The following SUCLG2 variants were observed in gnomAD, a reference collection of about 807,000 sequenced individuals.
SUCLG2 encodes the protein succinate-CoA ligase GDP-forming subunit beta.
Under a neutral mutation model 47.9 loss-of-function variants are expected in SUCLG2, and 42 were observed. The observed-to-expected ratio is 0.88, with a 90% CI of 0.69 to 1.14. The LOEUF (loss-of-function observed/expected upper bound fraction) is 1.14. Among genes scored for constraint, SUCLG2 ranks in the 50% most tolerant of loss-of-function variants. SUCLG2 has a pLI of 0.00. For synonymous variants in SUCLG2, 195 were observed against 197.3 expected (o/e 0.99, Z 0.10); for missense variants, 571 against 525.9 (o/e 1.09, Z -0.84).
At chr3:67,404,335 G>GGAGAGA (rs138202963) in intron 9 of SUCLG2, among the ~76,000 whole-genome samples, 1 of 149,344 alleles carries the variant, frequency 6.7e-6, no homozygotes, top group Non-Finnish European at 1.5e-5. Flanking sequence ...AGAGAGCATG[G>GGAGAGA]GAGAGAGAGA....
intron 9 of SUCLG2, among the ~76,000 whole-genome samples, chr3:67,444,178 C>T (rs1387171978): frequency 3.8e-5 from 2 of 53,292 alleles, no homozygotes; most frequent in Non-Finnish European, 8.1e-5. Context: ...GCCCCCCGCC[C>T]GGCCAGCCGC....
intron 6 of SUCLG2, among the ~76,000 whole-genome samples, chr3:67,512,245 T>C (rs1434420366): frequency 6.6e-6 from 1 of 151,362 alleles, no homozygotes; most frequent in Non-Finnish European, 1.5e-5. Flanking sequence ...AGAGTATTTT[T>C]AAAAATTCTC....
intron 2 of SUCLG2, among the ~76,000 whole-genome samples, chr3:67,576,517 T>C (rs1012085494): frequency 3.3e-5 from 5 of 152,092 alleles, no homozygotes; most frequent in Non-Finnish European, 4.4e-5. Flanking sequence ...AAATAGAAAA[T>C]AGATGAATTG....
intron 2 of SUCLG2, among the ~76,000 whole-genome samples, chr3:67,532,156 G>C (rs1706421829): frequency 6.6e-6 from 1 of 152,108 alleles, no homozygotes; most frequent in African/African-American, 2.4e-5. Flanking sequence ...TTTTGTTTTA[G>C]ACAGAGTCTC....
At chr3:67,478,750 C>T (rs1019418899) in intron 9 of SUCLG2, among the ~76,000 whole-genome samples, 5 of 152,196 alleles carry the variant, frequency 3.3e-5, no homozygotes, top group African/African-American at 1.2e-4. Context: ...ACTGCTATTC[C>T]ATTCAAAGTA....
At chr3:67,471,426 C>T (rs1364832307) in intron 9 of SUCLG2, among the ~76,000 whole-genome samples, 2 of 152,210 alleles carry the variant, frequency 1.3e-5, no homozygotes, top group Non-Finnish European at 2.9e-5. Context: ...GGACATCACA[C>T]TTGCCTTTTC....
intron 9 of SUCLG2, among the ~76,000 whole-genome samples, chr3:67,401,619 C>A (rs1490265): frequency 0.74 from 110,274 of 149,262 alleles, 41,064 homozygotes; most frequent in Admixed American, 0.82. Flanking sequence ...GACTTGATAA[C>A]TAGGCATAAG....
At chr3:67,434,026 G>A (rs1011121567) in intron 9 of SUCLG2, among the ~76,000 whole-genome samples, 1 of 152,178 alleles carries the variant, frequency 6.6e-6, no homozygotes, top group African/African-American at 2.4e-5. Flanking sequence ...TACACTAGAG[G>A]TTGACAAAGT....
intron 9 of SUCLG2, among the ~76,000 whole-genome samples, chr3:67,406,299 C>T (rs1702806827): frequency 6.6e-6 from 1 of 152,100 alleles, no homozygotes; most frequent in Admixed American, 6.6e-5. Context: ...CTACTATGTG[C>T]CCTGTGCTTG....
At chr3:67,465,444 C>T (rs753360858) in intron 9 of SUCLG2, among the ~76,000 whole-genome samples, 3 of 152,176 alleles carry the variant, frequency 2.0e-5, no homozygotes, top group Non-Finnish European at 4.4e-5. Context: ...TTACATCATT[C>T]GGGTCTCCAC....
intron 2 of SUCLG2, among the ~76,000 whole-genome samples, chr3:67,557,877 G>A (rs1393548734): frequency 2.0e-5 from 3 of 152,204 alleles, no homozygotes; most frequent in Non-Finnish European, 2.9e-5. Flanking sequence ...TCTACCAAGA[G>A]TGACCTTAGG....
At chr3:67,414,155 C>T (rs1018703539) in intron 9 of SUCLG2, among the ~76,000 whole-genome samples, 5 of 152,154 alleles carry the variant, frequency 3.3e-5, no homozygotes, top group Non-Finnish European at 7.3e-5. Flanking sequence ...GGGCATCTCC[C>T]ATTTTTTTGT....
intron 9 of SUCLG2, among the ~76,000 whole-genome samples, chr3:67,411,143 A>C (rs1702924525): frequency 6.6e-6 from 1 of 152,156 alleles, no homozygotes; most frequent in African/African-American, 2.4e-5. Flanking sequence ...ATCAGTCTCC[A>C]CAGGGTTACT....
At chr3:67,616,068 A>G (rs1700622715) in intron 1 of SUCLG2, among the ~76,000 whole-genome samples, 1 of 151,960 alleles carries the variant, frequency 6.6e-6, no homozygotes, top group African/African-American at 2.4e-5. Flanking sequence ...TTAAGAGACC[A>G]TGTGCAACCC....
At chr3:67,644,995 C>T (rs1235755772) in intron 1 of SUCLG2, among the ~76,000 whole-genome samples, 1 of 152,112 alleles carries the variant, frequency 6.6e-6, no homozygotes, top group Non-Finnish European at 1.5e-5. Context: ...GAAATAGATT[C>T]ATCCTGTAGC....
At chr3:67,515,054 C>A (rs1705904457) in intron 6 of SUCLG2, among the ~76,000 whole-genome samples, 1 of 152,144 alleles carries the variant, frequency 6.6e-6, no homozygotes, top group Non-Finnish European at 1.5e-5. Flanking sequence ...TCACTCACCC[C>A]ACGTCTTACC....
At chr3:67,473,154 A>T (rs1210483119) in intron 9 of SUCLG2, among the ~76,000 whole-genome samples, 1 of 150,778 alleles carries the variant, frequency 6.6e-6, no homozygotes, top group East Asian at 2.0e-4. Flanking sequence ...GTTATTTCTG[A>T]GCTAAGGAAT....
chr3:67,463,472 T>G (rs964256981), intron 9 of SUCLG2, among the ~76,000 whole-genome samples: 1 of 152,206 alleles, frequency 6.6e-6, no homozygotes, highest in Admixed American at 6.5e-5. Flanking sequence ...TTTCAGAAAT[T>G]TATCTTTTAA....
At chr3:67,379,462 T>C (rs191188246) in intron 10 of SUCLG2, among the ~76,000 whole-genome samples, 11 of 152,304 alleles carry the variant, frequency 7.2e-5, no homozygotes, top group African/African-American at 2.6e-4. Context: ...CTTATTCAGT[T>C]TTACCTGAGT....
Sources: allele counts gnomAD v4.1 joint callset (sites outside exome capture counted in the v4.1 genomes callset), GRCh38; gene constraint gnomAD v4.1.1; transcripts MANE v1.5; gene names NCBI Gene and HGNC (gene_info 2026-07-23, HGNC 2026-07-21).